The following HRH1 variants were observed in gnomAD, a reference collection of about 807,000 sequenced individuals.
The protein encoded by HRH1 is histamine H1 receptor.
In HRH1, 6 loss-of-function variants were observed where a neutral mutation model predicts 10.3. That is an observed-to-expected ratio of 0.58 (90% CI 0.32 to 1.15). HRH1 has a LOEUF of 1.15. Among genes scored for constraint, HRH1 ranks in the 50% most tolerant of loss-of-function variants. The probability of loss-of-function intolerance (pLI) is 0.05; values close to 1 mark genes in which losing one functional copy is unlikely to be tolerated. For missense variants in HRH1, 514 were observed against 615.3 expected (o/e 0.84, Z 1.74); for synonymous variants, 242 against 236.7 (o/e 1.02, Z -0.21).
intron 1 of HRH1, among the ~76,000 whole-genome samples, chr3:11,140,625 C>A (rs1475803407): frequency 6.6e-6 from 1 of 152,134 alleles, no homozygotes; most frequent in African/African-American, 2.4e-5. Context: ...TGAAACCTCC[C>A]TCAGAGGAGC....
At chr3:11,215,509 C>T (rs1296412678) in intron 1 of HRH1, among the ~76,000 whole-genome samples, 2 of 152,184 alleles carry the variant, frequency 1.3e-5, no homozygotes, top group East Asian at 1.9e-4. Flanking sequence ...GGCACGATCT[C>T]AGCTCACTGC....
At chr3:11,203,220 C>T (rs433303) in intron 1 of HRH1, among the ~76,000 whole-genome samples, 44,399 of 152,130 alleles carry the variant, frequency 0.29, 7,821 homozygotes, top group Non-Finnish European at 0.4. Flanking sequence ...TTTAAACACT[C>T]GTGCAGATTT....
chr3:11,212,256 G>A (rs1380609824), intron 1 of HRH1, among the ~76,000 whole-genome samples: 1 of 152,108 alleles, frequency 6.6e-6, no homozygotes, highest in African/African-American at 2.4e-5. Flanking sequence ...CTTCAAATGA[G>A]AAGGAAAAAG....
intron 1 of HRH1, among the ~76,000 whole-genome samples, chr3:11,164,615 A>G (rs1314527276): frequency 6.6e-6 from 1 of 152,172 alleles, no homozygotes; most frequent in Admixed American, 6.5e-5. Flanking sequence ...AGGGCTACAG[A>G]TGTAGATGGT....
rs920242593 is a variant in HRH1 at position 11,246,029 on chromosome 3, TACAC to T, written c.-35-12969_-35-12966del. ...ACATACACACATACACTCACACTCATACACACACTCACACATTCACACACATACA... is the reference window on the plus strand; with the variant it reads ...ACATACACACATACACTCACACTCATACACTCACACATTCACACACATACA... On this transcript the variant is annotated intron_variant, in intron 1 of 1. Coordinates refer to ENST00000431010, the MANE Select transcript of HRH1 (RefSeq NM_001098212.2). 7.3e-5 allele frequency among the ~76,000 whole-genome samples: 11 copies of T among 150,674 alleles called. No individual in the cohort carries two copies. The East Asian group carries it at 7.8e-4, about 11-fold the overall frequency.
At position 11,190,788 on chromosome 3, in the gene HRH1, T is replaced by C. The variant is rs576618757; in HGVS notation, c.-36+36234T>C. 7.2e-5 allele frequency among the ~76,000 whole-genome samples: 11 copies of C among 152,274 alleles called. No homozygotes were observed. The East Asian group carries it at 1.9e-3, about 27-fold the overall frequency. ...ATCGCTTGAGCCGTGAGGTTGAGAC[T>C]GCAGTGAACCCTGCTCACGTTGAGC... is the stretch of plus-strand genomic sequence containing the variant. On this transcript the variant is annotated intron_variant, in intron 1 of 1. Coordinates refer to ENST00000431010, the MANE Select transcript of HRH1 (RefSeq NM_001098212.2).
At chr3:11,150,866 G>A (rs973253055), upstream of HRH1, among the ~76,000 whole-genome samples, 3 of 152,186 alleles carry the variant, frequency 2.0e-5, no homozygotes, top group East Asian at 1.9e-4. Flanking sequence ...TTTGGTTACC[G>A]AGCATCTACC....
At chr3:11,153,687 G>A (rs1245243095), upstream of HRH1, among the ~76,000 whole-genome samples, 1 of 152,126 alleles carries the variant, frequency 6.6e-6, no homozygotes, top group Non-Finnish European at 1.5e-5. Context: ...GGAAATGAAG[G>A]CAGCCAGGAA....
chr3:11,146,106 T>A (rs567269077), intron 1 of HRH1, among the ~76,000 whole-genome samples: 1 of 152,330 alleles, frequency 6.6e-6, no homozygotes, highest in Admixed American at 6.5e-5. Context: ...AGGGTAGATT[T>A]ATGTTTATTA....
At chr3:11,256,836 A>T (rs1302188257) in intron 1 of HRH1, among the ~76,000 whole-genome samples, 1 of 152,108 alleles carries the variant, frequency 6.6e-6, no homozygotes, top group African/African-American at 2.4e-5. Context: ...TCTACTCAAG[A>T]ACTTATCTGG....
chr3:11,238,112 A>G (rs1174438720), intron 1 of HRH1, among the ~76,000 whole-genome samples: 1 of 152,024 alleles, frequency 6.6e-6, no homozygotes, highest in Non-Finnish European at 1.5e-5. Flanking sequence ...TCCTGCACTT[A>G]GCTTTAAAAA....
rs35542980 is a variant in HRH1 at position 11,138,989 on chromosome 3, CT to C, written c.-36+1606del. 7.2e-3 allele frequency among the ~76,000 whole-genome samples: 1,008 copies of C among 140,020 alleles called. 9 individuals are homozygous for C. Among genetic ancestry groups the C allele is most frequent in the African/African-American group, 0.02 (760 of 37,990 alleles). The allele number at this position is 140,020 out of a possible 152,430, so 91.9% of individuals were successfully genotyped here. ...TGTGCCTGGCCATAGCTGCATTGTT[CT>C]TTTTTTTTTTTTTTTAGAAAGAATT... is the stretch of plus-strand genomic sequence containing the variant. On this transcript the variant is annotated intron_variant, in intron 1 of 1. Transcript: ENST00000438284.
At chr3:11,219,738 A>G (rs933120555) in intron 1 of HRH1, among the ~76,000 whole-genome samples, 5 of 147,938 alleles carry the variant, frequency 3.4e-5, no homozygotes, top group African/African-American at 5.0e-5. Context: ...AAAAAAAGGA[A>G]AGAAAATTTA....
At chr3:11,159,531 G>C (rs1329667186) in intron 1 of HRH1, among the ~76,000 whole-genome samples, 1 of 152,074 alleles carries the variant, frequency 6.6e-6, no homozygotes, top group Admixed American at 6.5e-5. Context: ...ATCGACTTCT[G>C]CATTTCTGGA....
chr3:11,175,577 A>G (rs1273209279), intron 1 of HRH1, among the ~76,000 whole-genome samples: 2 of 152,248 alleles, frequency 1.3e-5, no homozygotes, highest in Admixed American at 1.3e-4. Flanking sequence ...ATACTAATAT[A>G]GTAACCACAC....
At chr3:11,243,021 C>G (rs1263758774) in intron 1 of HRH1, among the ~76,000 whole-genome samples, 1 of 152,018 alleles carries the variant, frequency 6.6e-6, no homozygotes, top group African/African-American at 2.4e-5. Flanking sequence ...TCAAGTGATT[C>G]TCCTGCCTCA....
At position 11,230,776 on chromosome 3, in the gene HRH1, G is replaced by A. The variant is rs955544763; in HGVS notation, c.-35-28227G>A. The stretch of plus-strand genomic sequence containing the variant: ...TAGTGGCTGGGAATCTGGGAGTGCG[G>A]CCAAGGTATCAATATGAGTTTTTTT... On this transcript the variant is annotated intron_variant, in intron 1 of 1. Transcript: ENST00000431010. Among the ~76,000 whole-genome samples the A allele has an allele frequency of 5.3e-5, 8 of 152,290 alleles. No individual in the cohort carries two copies. The East Asian group carries it at 1.3e-3, about 26-fold the overall frequency.
chr3:11,235,840 G>A (rs1028249738), intron 1 of HRH1, among the ~76,000 whole-genome samples: 17 of 152,216 alleles, frequency 1.1e-4, no homozygotes, highest in Admixed American at 1.1e-3. Flanking sequence ...TTTCTACTTT[G>A]CTAGGCAGCC....
chr3:11,175,783 C>G (rs1042453547), intron 1 of HRH1, among the ~76,000 whole-genome samples: 2 of 152,160 alleles, frequency 1.3e-5, no homozygotes, highest in African/African-American at 4.8e-5. Flanking sequence ...CAAACACCAA[C>G]AAGGGACTCA....
Sources: gnomAD v4.1 joint callset for allele counts (sites outside exome capture counted in the v4.1 genomes callset) on GRCh38, gnomAD v4.1.1 for gene constraint, MANE v1.5 for transcripts, NCBI Gene and HGNC (gene_info 2026-07-23, HGNC 2026-07-21) for gene names.